IREB2: variants seen among roughly 807,000 people sequenced by gnomAD.
The protein encoded by IREB2 is iron-responsive element-binding protein 2.
IREB2 carries 39 observed loss-of-function variants against 118.8 expected under a neutral mutation model. The observed-to-expected ratio is 0.33, with a 90% CI of 0.25 to 0.43. The LOEUF (loss-of-function observed/expected upper bound fraction) is 0.43. Ranked by LOEUF, IREB2 falls within the 20% of genes least tolerant of loss-of-function variation. The pLI is 1.00. For missense variants in IREB2, 900 were observed against 1,147.3 expected (o/e 0.78, Z 3.11); for synonymous variants, 372 against 392.2 (o/e 0.95, Z 0.61).
At chr15:78,439,930 A>G (rs772685040) in intron 2 of IREB2, 49 bp downstream of exon 2, 1 of 1,133,144 alleles carries the variant, frequency 8.8e-7, no homozygotes, top group South Asian at 1.3e-5. Flanking sequence ...CTAATAATGA[A>G]AATGCATTTG....
intron 9 of IREB2, among the ~76,000 whole-genome samples, chr15:78,477,945 G>T (rs928129397): frequency 6.6e-6 from 1 of 151,846 alleles, no homozygotes; most frequent in Admixed American, 6.6e-5. Context: ...TTATTGGCGG[G>T]GTGTGGTGGC....
chr15:78,471,934 T>C lies in IREB2; in HGVS notation c.883+10T>C, dbSNP rs753635933. The C allele has an allele frequency of 6.6e-7, 1 of 1,523,810 alleles. No homozygotes were observed. Among genetic ancestry groups the C allele is most frequent in the Admixed American group, 2.1e-5 (1 of 48,728 alleles). 94.4% of individuals were successfully genotyped at this position (1,523,810 alleles called of 1,614,324 possible). On this transcript the variant is annotated intron_variant, in intron 7 of 21. Transcript: ENST00000258886. Reference sequence around the variant, plus strand: ...GGGATTCTGGGGTGGGGTAAGTAAATGACTAAATATATTTCATTTCTTTTG... The same window carrying C: ...GGGATTCTGGGGTGGGGTAAGTAAACGACTAAATATATTTCATTTCTTTTG...
chr15:78,451,316 A>G (rs1226345509), intron 2 of IREB2, among the ~76,000 whole-genome samples: 5 of 151,896 alleles, frequency 3.3e-5, no homozygotes, highest in African/African-American at 1.2e-4. Flanking sequence ...TTGAATAACC[A>G]TAGTTTGTCA....
In IREB2 at chr15:78,463,032, C is replaced by G; in HGVS notation, c.217C>G (p.Gln73Glu). ...VMNILDWKTK[Q>E]SNVEVPFFPA... The stretch of plus-strand genomic sequence containing the variant: ...GAACATTTTAGACTGGAAAACCAAA[C>G]AAAGCAATGTTGAAGTGCCCTTTTT... Residue 73 changes from glutamine (Q) to glutamate (E), a missense_variant, in exon 3 of 22, where the codon CAA becomes GAA. Gln to Glu is a conservative substitution (Grantham distance 29). Coordinates refer to ENST00000258886, the MANE Select transcript of IREB2 (RefSeq NM_004136.4). 1 of 1,612,274 alleles carries G rather than the reference C, an allele frequency of 6.2e-7. No homozygotes were observed. Among genetic ancestry groups the G allele is most frequent in the Non-Finnish European group, 8.5e-7 (1 of 1,179,530 alleles).
chr15:78,489,856 G>A (rs1219653902), intron 16 of IREB2, among the ~76,000 whole-genome samples: 1 of 152,092 alleles, frequency 6.6e-6, no homozygotes, highest in Non-Finnish European at 1.5e-5. Flanking sequence ...GCGTTGATGT[G>A]GAACAAATAC....
intron 15 of IREB2, 151 bp downstream of exon 15, chr15:78,488,487 G>T: frequency 1.0e-6 from 1 of 984,490 alleles, no homozygotes; most frequent in South Asian, 1.9e-5. Flanking sequence ...GTGTTTATGT[G>T]AAGAAAATAA....
chr15:78,476,027 AC>A lies in IREB2; in HGVS notation c.1024-156del. ...TTCTCTTTACTTCTTATCTTAAAAT[AC>A]CCCCAAAACCAGAATGAGTTGATTC... On this transcript the variant is annotated intron_variant, in intron 8 of 21. Coordinates refer to ENST00000258886, the MANE Select transcript of IREB2 (RefSeq NM_004136.4). 6.3e-6 allele frequency: 3 copies of A among 476,332 alleles called. No individual in the cohort carries two copies. In the South Asian group the frequency reaches 1.5e-4, roughly 23 times the overall value. 29.5% of individuals were successfully genotyped at this position (476,332 alleles called of 1,614,324 possible).
At chr15:78,443,178 A>C (rs1240359989) in intron 2 of IREB2, among the ~76,000 whole-genome samples, 5 of 152,200 alleles carry the variant, frequency 3.3e-5, no homozygotes, top group African/African-American at 1.2e-4. Context: ...ATAATAACTA[A>C]TAATAAAATA....
intron 2 of IREB2, among the ~76,000 whole-genome samples, chr15:78,457,748 A>T (rs182487246): frequency 5.6e-4 from 85 of 152,128 alleles, no homozygotes; most frequent in Non-Finnish European, 7.4e-4. Context: ...TCACCCTGTC[A>T]CTTTTTTTCT....
chr15:78,486,622 A>T (rs1241443279), intron 13 of IREB2, among the ~76,000 whole-genome samples: 1 of 152,104 alleles, frequency 6.6e-6, no homozygotes, highest in Non-Finnish European at 1.5e-5. Flanking sequence ...AAAAAAAAAA[A>T]GTAACCTATG....
rs1263138566 is a variant in IREB2, at chr15:78,499,147, C to G, written c.*1004C>G. The G allele has an allele frequency of 6.6e-6, 1 of 152,100 alleles. No individual in the cohort carries two copies. The highest frequency in any genetic ancestry group is 1.5e-5 in the Non-Finnish European group (1 of 68,018). 9.4% of individuals were successfully genotyped at this position (152,100 alleles called of 1,614,324 possible). A position where few individuals can be genotyped will look rare whatever the true frequency, so the allele number is the denominator to read the frequency against. ...TTTCTTAATTAAATTGATTTCCTGTCATTTTGAATCATTTATCACCTGCGA... is the reference window on the plus strand; with the variant it reads ...TTTCTTAATTAAATTGATTTCCTGTGATTTTGAATCATTTATCACCTGCGA... On this transcript the variant is annotated 3_prime_UTR_variant, in exon 22 of 22. Coordinates refer to ENST00000258886, the MANE Select transcript of IREB2 (RefSeq NM_004136.4).
chr15:78,493,861 A>T, intron 18 of IREB2, 48 bp from the exon 19 acceptor site: 1 of 1,568,060 alleles, frequency 6.4e-7, no homozygotes, highest in Non-Finnish European at 8.7e-7. Context: ...ATAGTATGTG[A>T]TTATTTTCCA....
In IREB2 at chr15:78,497,212, T is replaced by C. The variant is rs776990367; in HGVS notation, c.2682T>C (p.Leu894=). ...IGIGIAPLQF[L]PGENADSLGL... ...TTGGCATAGCTCCACTTCAGTTCCT[T>C]CCAGGAGAAAATGCAGATTCCTTGG... The change falls in exon 21 of 22, where the codon CTT becomes CTC. Residue 894 remains leucine (L), a synonymous_variant. Transcript: ENST00000258886. 36 of 1,613,880 alleles carry C rather than the reference T, an allele frequency of 2.2e-5. No individual in the cohort carries two copies. Among genetic ancestry groups the C allele is most frequent in the Non-Finnish European group, 3.0e-5 (35 of 1,179,750 alleles).
At chr15:78,484,634 A>G (rs2051629003) in intron 11 of IREB2, 127 bp from the exon 12 acceptor site, 4 of 643,468 alleles carry the variant, frequency 6.2e-6, no homozygotes, top group Non-Finnish European at 1.1e-5. Context: ...GGCCTTTAGC[A>G]TCACTCACAA....
chr15:78,481,982 G>A (rs567045122), intron 10 of IREB2, among the ~76,000 whole-genome samples: 3 of 152,240 alleles, frequency 2.0e-5, no homozygotes, highest in East Asian at 3.9e-4. Context: ...TTATTCTTGC[G>A]TGTAATCCCA....
chr15:78,442,734 C>G (rs1056457103), intron 2 of IREB2, among the ~76,000 whole-genome samples: 1 of 152,154 alleles, frequency 6.6e-6, no homozygotes, highest in Non-Finnish European at 1.5e-5. Flanking sequence ...CACCAATCTC[C>G]GCAAGGATCT....
In IREB2 at chr15:78,465,371, A is replaced by C. The variant is rs570560882; in HGVS notation, c.393A>C (p.Gln131His). Reference sequence around the variant, plus strand: ...ATCTTACAGTTGACCATTCTTTACAAATTGACTTCAGTAAATGGTACTTCA... The same window carrying C: ...ATCTTACAGTTGACCATTCTTTACACATTGACTTCAGTAAATGGTACTTCA... ...PTDLTVDHSL[Q>H]IDFSKCAIQN... Residue 131 changes from glutamine to histidine, a missense_variant, in exon 4 of 22, where the codon CAA (glutamine) becomes CAC (histidine). Physicochemically the swap from Gln to His is conservative, Grantham distance 24. Coordinates refer to ENST00000258886, the MANE Select transcript of IREB2 (RefSeq NM_004136.4). 7 of 1,611,526 alleles carry C rather than the reference A, an allele frequency of 4.3e-6. No homozygotes were observed. The highest frequency in any genetic ancestry group is 1.6e-4 in the Middle Eastern group (1 of 6,084).
At chr15:78,464,490 A>G (rs1425325619) in intron 3 of IREB2, among the ~76,000 whole-genome samples, 1 of 152,184 alleles carries the variant, frequency 6.6e-6, no homozygotes, top group African/African-American at 2.4e-5. Flanking sequence ...GAAATAAATG[A>G]TATTTCTTAC....
In IREB2 at chr15:78,438,277, C is replaced by A; in HGVS notation, c.-61C>A. Reference sequence around the variant, plus strand: ...CTGTCTTCCTCCCCGTCTTCCCTGCCCGGCCTCCCCCTTCTTCCCCCGCTG... The same window carrying A: ...CTGTCTTCCTCCCCGTCTTCCCTGCACGGCCTCCCCCTTCTTCCCCCGCTG... On this transcript the variant is annotated 5_prime_UTR_variant, in exon 1 of 22. Transcript: ENST00000258886. The A allele has an allele frequency of 7.4e-7, 1 of 1,357,758 alleles. No individual in the cohort carries two copies. The highest frequency in any genetic ancestry group is 1.0e-6 in the Non-Finnish European group (1 of 967,288). The allele number at this position is 1,357,758 out of a possible 1,614,324, so 84.1% of individuals were successfully genotyped here. A position where few individuals can be genotyped will look rare whatever the true frequency, so the allele number is the denominator to read the frequency against.
Sources: allele counts gnomAD v4.1 joint callset (sites outside exome capture counted in the v4.1 genomes callset), GRCh38; gene constraint gnomAD v4.1.1; transcripts MANE v1.5; gene names NCBI Gene and HGNC (gene_info 2026-07-23, HGNC 2026-07-21).